RPS6KA2: variants seen among roughly 807,000 people sequenced by gnomAD.
RPS6KA2 encodes ribosomal protein S6 kinase A2, also known as ribosomal protein S6 kinase alpha-2.
RPS6KA2 carries 42 observed loss-of-function variants against 91.8 expected under a neutral mutation model. That is an observed-to-expected ratio of 0.46 (90% CI 0.36 to 0.59). RPS6KA2 has a LOEUF of 0.59. Ranked by LOEUF, RPS6KA2 falls within the 20% of genes least tolerant of loss-of-function variation. The pLI, the probability that RPS6KA2 is intolerant of heterozygous loss-of-function variation, is 0.00. For missense variants in RPS6KA2, 798 were observed against 978.5 expected (o/e 0.82, Z 2.46); for synonymous variants, 414 against 393.6 (o/e 1.05, Z -0.61).
At chr6:166,800,455 T>A (rs1310680045) in intron 2 of RPS6KA2, among the ~76,000 whole-genome samples, 1 of 152,184 alleles carries the variant, frequency 6.6e-6, no homozygotes, top group East Asian at 1.9e-4. Context: ...CATGACAGCA[T>A]TAAGAAGTGA....
intron 2 of RPS6KA2, among the ~76,000 whole-genome samples, chr6:166,851,122 C>A (rs898903392): frequency 2.6e-5 from 4 of 152,192 alleles, no homozygotes; most frequent in Admixed American, 2.0e-4. Context: ...AACTAACAGA[C>A]CTCCTGCCCA....
intron 2 of RPS6KA2, among the ~76,000 whole-genome samples, chr6:166,837,613 G>A (rs893024382): frequency 6.6e-6 from 1 of 152,200 alleles, no homozygotes; most frequent in South Asian, 2.1e-4. Flanking sequence ...GGGCTCTGGG[G>A]TCCTAGGCTG....
chr6:166,658,538 C>T (rs1478656618), intron 2 of RPS6KA2, among the ~76,000 whole-genome samples: 1 of 152,156 alleles, frequency 6.6e-6, no homozygotes, highest in African/African-American at 2.4e-5. Flanking sequence ...CACTTCAAAA[C>T]CACGCACTGA....
chr6:166,640,717 T>C (rs903259798), intron 2 of RPS6KA2, among the ~76,000 whole-genome samples: 8 of 151,880 alleles, frequency 5.3e-5, no homozygotes, highest in African/African-American at 1.7e-4. Context: ...TAAGGAGATA[T>C]TGTGAGGTCG....
chr6:166,762,068 G>T (rs1778188102), intron 2 of RPS6KA2, among the ~76,000 whole-genome samples: 1 of 152,164 alleles, frequency 6.6e-6, no homozygotes. Flanking sequence ...TCACGTGGAG[G>T]CCCTGGTGTC....
rs1223934837 is a variant in RPS6KA2 at position 166,612,421 on chromosome 6, CT to C, written c.99+14499del. 2.0e-5 allele frequency among the ~76,000 whole-genome samples: 3 copies of C among 152,198 alleles called. No individual in the cohort carries two copies. Among genetic ancestry groups the C allele is most frequent in the Non-Finnish European group, 1.5e-5 (1 of 68,040 alleles). ...CTTAGGAGAAAGATGGCATGCACCC[CT>C]GGGTCACCTGGCAAAGCTATAACAC... On this transcript the variant is annotated intron_variant, in intron 1 of 20. Coordinates refer to ENST00000265678, the MANE Select transcript of RPS6KA2 (RefSeq NM_021135.6). This position sits in a 1 kb window ranked among gnomAD's most constrained non-coding sequence, Gnocchi z 4.3.
At chr6:166,438,602 AG>A (rs1779419349) in intron 14 of RPS6KA2, among the ~76,000 whole-genome samples, 1 of 152,268 alleles carries the variant, frequency 6.6e-6, no homozygotes, top group Non-Finnish European at 1.5e-5. Context: ...AGGAAAACCC[AG>A]CCCCACTGAG....
chr6:166,511,700 A>T (rs1240623360), intron 3 of RPS6KA2, among the ~76,000 whole-genome samples: 2 of 152,186 alleles, frequency 1.3e-5, no homozygotes, highest in Non-Finnish European at 1.5e-5. Context: ...CAGGTATTTA[A>T]ATTTATCCAT....
intron 16 of RPS6KA2, among the ~76,000 whole-genome samples, chr6:166,429,495 C>T (rs901038235): frequency 1.3e-5 from 2 of 152,074 alleles, no homozygotes; most frequent in African/African-American, 2.4e-5. Flanking sequence ...CTGTCGCCCA[C>T]GCTGAAGTGC....
At chr6:166,504,275 T>C (rs906526607) in intron 6 of RPS6KA2, among the ~76,000 whole-genome samples, 2 of 152,012 alleles carry the variant, frequency 1.3e-5, no homozygotes, top group East Asian at 1.9e-4. Flanking sequence ...GCGTTATGAG[T>C]GTCAGGTGAG....
intron 3 of RPS6KA2, among the ~76,000 whole-genome samples, chr6:166,511,613 C>T (rs891128418): frequency 2.0e-5 from 3 of 152,222 alleles, no homozygotes; most frequent in Non-Finnish European, 4.4e-5. Flanking sequence ...GGACCTCACA[C>T]AGCCCCATGA....
At chr6:166,477,251 G>A (rs1474678559) in intron 10 of RPS6KA2, among the ~76,000 whole-genome samples, 1 of 152,126 alleles carries the variant, frequency 6.6e-6, no homozygotes, top group African/African-American at 2.4e-5. Flanking sequence ...TCGAAAGCTT[G>A]ATGATAACTC....
At position 166,662,943 on chromosome 6, in the gene RPS6KA2, C is replaced by T. The variant is rs1423840292; in HGVS notation, c.124-124159G>A. Reference sequence around the variant, plus strand: ...CTCTGTGTATGGAGGAACGGCCACGCGAGGACAGGGAGGAGGCGCCATCTG... The same window carrying T: ...CTCTGTGTATGGAGGAACGGCCACGTGAGGACAGGGAGGAGGCGCCATCTG... On this transcript the variant is annotated intron_variant, in intron 2 of 21. Coordinates refer to the RPS6KA2 transcript ENST00000503859. This position sits in a 1 kb window ranked among gnomAD's most constrained non-coding sequence, Gnocchi z 4.3. Among the ~76,000 whole-genome samples the T allele has an allele frequency of 4.6e-5, 7 of 152,030 alleles. No homozygotes were observed. The highest frequency in any genetic ancestry group is 3.9e-4 in the East Asian group (2 of 5,186).
At chr6:166,844,095 A>G (rs1243344369) in intron 2 of RPS6KA2, among the ~76,000 whole-genome samples, 1 of 152,202 alleles carries the variant, frequency 6.6e-6, no homozygotes, top group Non-Finnish European at 1.5e-5. Flanking sequence ...ACTTCTGGAA[A>G]TCAAAGACAC....
chr6:166,587,114 A>G (rs9457187), intron 1 of RPS6KA2, among the ~76,000 whole-genome samples: 60,528 of 152,134 alleles, frequency 0.4, 12,954 homozygotes, highest in African/African-American at 0.54. Context: ...CAAAGTGGCC[A>G]GTCATCAGGA....
chr6:166,771,235 A>G (rs1266436003), intron 2 of RPS6KA2, among the ~76,000 whole-genome samples: 2 of 152,192 alleles, frequency 1.3e-5, no homozygotes, highest in Non-Finnish European at 2.9e-5. Context: ...TATGCACAGC[A>G]TTTATCTTCC....
At chr6:166,551,727 C>T (rs1226239419) in intron 1 of RPS6KA2, among the ~76,000 whole-genome samples, 2 of 152,098 alleles carry the variant, frequency 1.3e-5, no homozygotes, top group Non-Finnish European at 2.9e-5. Context: ...AGTTTAGAAA[C>T]GGCCTCACCA....
At chr6:166,679,590 A>T (rs536616500) in intron 2 of RPS6KA2, among the ~76,000 whole-genome samples, 28 of 152,370 alleles carry the variant, frequency 1.8e-4, no homozygotes, top group Admixed American at 7.2e-4. Flanking sequence ...GTGAGAGGTA[A>T]CAACGTGCTA....
At chr6:166,701,800 G>A in intron 2 of RPS6KA2, 3 of 947,204 alleles carry the variant, frequency 3.2e-6, no homozygotes, top group Non-Finnish European at 5.1e-6. Flanking sequence ...TTTTCTTCAT[G>A]ATCTCTTCCT....
Sources: gnomAD v4.1 joint callset for allele counts (sites outside exome capture counted in the v4.1 genomes callset) on GRCh38, gnomAD v4.1.1 for gene constraint, Gnocchi (gnomAD v3.1) non-coding constraint, MANE v1.5 for transcripts, NCBI Gene and HGNC (gene_info 2026-07-23, HGNC 2026-07-21) for gene names.